The following SUPT3H variants were observed in gnomAD, a reference collection of about 807,000 sequenced individuals.
The protein encoded by SUPT3H is transcription initiation protein SPT3 homolog.
In SUPT3H, 44 loss-of-function variants were observed where a neutral mutation model predicts 44.3. The observed-to-expected ratio is 0.99, with a 90% CI of 0.78 to 1.28. The LOEUF (loss-of-function observed/expected upper bound fraction) is 1.28. Among genes scored for constraint, SUPT3H ranks in the 50% most tolerant of loss-of-function variants. The pLI is 0.00. For synonymous variants in SUPT3H, 124 were observed against 125.6 expected (o/e 0.99, Z 0.09); for missense variants, 380 against 387.1 (o/e 0.98, Z 0.15).
intron 5 of SUPT3H, among the ~76,000 whole-genome samples, chr6:45,012,889 ATGT>A (rs1263988472): frequency 6.6e-6 from 1 of 152,030 alleles, no homozygotes; most frequent in Non-Finnish European, 1.5e-5. Context: ...GCAGCCTCTG[ATGT>A]TGTTCTTCAG....
chr6:45,370,379 G>C lies in SUPT3H; in HGVS notation c.1-5078C>G, dbSNP rs370412173. Among the ~76,000 whole-genome samples the C allele has an allele frequency of 3.2e-4, 48 of 151,866 alleles. No homozygotes were observed. The East Asian group carries it at 8.5e-3, about 27-fold the overall frequency. Reference sequence around the variant, plus strand: ...TGGTGCCATTTACTGAGATCCAGAAGACTGGGAAGGAAAAAAAAAACAGTT... The same window carrying C: ...TGGTGCCATTTACTGAGATCCAGAACACTGGGAAGGAAAAAAAAAACAGTT... On this transcript the variant is annotated intron_variant, in intron 1 of 10. Coordinates refer to ENST00000371459, the MANE Select transcript of SUPT3H (RefSeq NM_003599.4).
At chr6:44,863,710 G>A (rs1775035083) in intron 10 of SUPT3H, among the ~76,000 whole-genome samples, 1 of 152,046 alleles carries the variant, frequency 6.6e-6, no homozygotes, top group Admixed American at 6.5e-5. Context: ...TGCTGATAAA[G>A]ACATACTCAA....
chr6:45,108,250 C>A (rs965006992), intron 2 of SUPT3H, among the ~76,000 whole-genome samples: 3 of 152,184 alleles, frequency 2.0e-5, no homozygotes, highest in Admixed American at 6.5e-5. Context: ...CCAAGGCTGG[C>A]GGATTGCATG....
intron 9 of SUPT3H, among the ~76,000 whole-genome samples, chr6:44,951,812 G>A (rs1393017330): frequency 2.0e-5 from 3 of 152,138 alleles, no homozygotes; most frequent in Non-Finnish European, 2.9e-5. Flanking sequence ...TAGGCCCGTT[G>A]TGTTCACAGT....
intron 11 of SUPT3H, among the ~76,000 whole-genome samples, chr6:44,810,978 T>A (rs532260173): frequency 1.3e-5 from 2 of 152,198 alleles, no homozygotes; most frequent in Admixed American, 1.3e-4. Flanking sequence ...AAAGTTCCCA[T>A]ATACCCAACA....
chr6:45,237,328 G>A (rs905117297), intron 2 of SUPT3H, among the ~76,000 whole-genome samples: 2 of 152,190 alleles, frequency 1.3e-5, no homozygotes, highest in Admixed American at 1.3e-4. Flanking sequence ...TAAAGCCCCT[G>A]AAGCATATCA....
At chr6:44,954,471 G>T (rs755976823) in intron 8 of SUPT3H, 24 bp downstream of exon 8, 2 of 1,545,194 alleles carry the variant, frequency 1.3e-6, no homozygotes, top group Non-Finnish European at 1.8e-6. Context: ...AGTGTGGCCC[G>T]ATATGACAGA....
chr6:45,157,352 A>T (rs1807997102), intron 2 of SUPT3H, among the ~76,000 whole-genome samples: 1 of 151,888 alleles, frequency 6.6e-6, no homozygotes, highest in African/African-American at 2.4e-5. Flanking sequence ...GTATCATCAG[A>T]TCATACATTT....
chr6:44,934,829 T>C (rs879472937), intron 9 of SUPT3H, among the ~76,000 whole-genome samples: 4 of 152,180 alleles, frequency 2.6e-5, no homozygotes, highest in Non-Finnish European at 5.9e-5. Context: ...AGCCACCCAG[T>C]TTACAGGATT....
chr6:45,239,222 T>C lies in SUPT3H; in HGVS notation c.101+125979A>G, dbSNP rs141371718. Among the ~76,000 whole-genome samples the C allele has an allele frequency of 6.1e-4, 93 of 152,334 alleles. 2 individuals carry two copies. The East Asian group carries it at 0.017, about 27-fold the overall frequency. ...ACAGATGAACAACTGATGACTTTAT[T>C]TACCCAACTGCAAACAGCAGTTAGG... On this transcript the variant is annotated intron_variant, in intron 2 of 10. Coordinates refer to ENST00000371459, the MANE Select transcript of SUPT3H (RefSeq NM_003599.4).
At chr6:45,230,319 G>C (rs528951331) in intron 2 of SUPT3H, among the ~76,000 whole-genome samples, 13 of 152,194 alleles carry the variant, frequency 8.5e-5, no homozygotes, top group African/African-American at 3.1e-4. Context: ...AATGGTGAGA[G>C]TGGGATGTTC....
chr6:45,297,079 A>T (rs1463744545), intron 2 of SUPT3H, among the ~76,000 whole-genome samples: 10 of 100,286 alleles, frequency 1.0e-4, no homozygotes, highest in South Asian at 5.0e-4. Context: ...AATAAATTTA[A>T]AAAAAAAAAA....
intron 10 of SUPT3H, among the ~76,000 whole-genome samples, chr6:44,873,505 T>A (rs1776779391): frequency 1.8e-5 from 1 of 54,478 alleles, no homozygotes; most frequent in Non-Finnish European, 4.0e-5. Context: ...AAGCAGTGTG[T>A]AGAGGGAAAT....
chr6:45,217,372 G>C (rs1426073174), intron 2 of SUPT3H, among the ~76,000 whole-genome samples: 1 of 152,018 alleles, frequency 6.6e-6, no homozygotes, highest in Non-Finnish European at 1.5e-5. Context: ...CTACTCAGGA[G>C]GCTGAGGCAA....
chr6:44,867,130 C>A (rs1241825482), intron 10 of SUPT3H, among the ~76,000 whole-genome samples: 1 of 151,466 alleles, frequency 6.6e-6, no homozygotes, highest in Non-Finnish European at 1.5e-5. Flanking sequence ...ACTTTTTAGA[C>A]AGTTACTTAT....
intron 2 of SUPT3H, among the ~76,000 whole-genome samples, chr6:45,110,261 T>C (rs1027725698): frequency 3.9e-5 from 6 of 152,184 alleles, no homozygotes; most frequent in Non-Finnish European, 7.3e-5. Context: ...GCTTGACAGG[T>C]GCACAGTGAA....
Position 45,120,649 on chromosome 6 carries a change from A to C in SUPT3H, c.102-14643T>G, listed in dbSNP as rs1801530869. Among the ~76,000 whole-genome samples, 7 of 152,186 alleles carry C rather than the reference A, an allele frequency of 4.6e-5. No homozygotes were observed. In the South Asian group the frequency reaches 1.2e-3, roughly 27 times the overall value. On this transcript the variant is annotated intron_variant, in intron 2 of 10. Coordinates refer to ENST00000371459, the MANE Select transcript of SUPT3H (RefSeq NM_003599.4). ...ATGATGTCTATATCAATAACCAAAA[A>C]AAGGAATCTATTAAAAGGCTGAACA...
intron 6 of SUPT3H, among the ~76,000 whole-genome samples, chr6:44,983,377 G>C (rs1281832564): frequency 1.3e-5 from 2 of 152,166 alleles, no homozygotes; most frequent in African/African-American, 2.4e-5. Context: ...TTTTAAGAAA[G>C]TGAAAGTTCA....
chr6:45,343,539 T>C (rs915074655), intron 2 of SUPT3H, among the ~76,000 whole-genome samples: 4 of 151,904 alleles, frequency 2.6e-5, no homozygotes, highest in Non-Finnish European at 4.4e-5. Flanking sequence ...TTACCCACAA[T>C]GACTGATTAA....
Sources: allele counts gnomAD v4.1 joint callset (sites outside exome capture counted in the v4.1 genomes callset), GRCh38; gene constraint gnomAD v4.1.1; transcripts MANE v1.5; gene names NCBI Gene and HGNC (gene_info 2026-07-23, HGNC 2026-07-21).